The following SYN2 variants were observed in gnomAD, a reference collection of about 807,000 sequenced individuals.
SYN2 encodes the protein synapsin-2.
In SYN2, 19 loss-of-function variants were observed where a neutral mutation model predicts 50.9. The ratio of observed to expected loss-of-function variants is 0.37; its 90% CI spans 0.26 to 0.55. The LOEUF (loss-of-function observed/expected upper bound fraction) is 0.55. SYN2 is among the 20% of genes least tolerant of loss of function. SYN2 has a pLI of 0.81. For missense variants in SYN2, 587 were observed against 576.4 expected (o/e 1.02, Z -0.19); for synonymous variants, 255 against 224.9 (o/e 1.13, Z -1.20).
chr3:12,151,845 C>T (rs963936445), intron 5 of SYN2, among the ~76,000 whole-genome samples: 1 of 152,184 alleles, frequency 6.6e-6, no homozygotes, highest in Admixed American at 6.5e-5. Context: ...ATTCCCCTGG[C>T]GCTTCCACAA....
intron 7 of SYN2, among the ~76,000 whole-genome samples, chr3:12,166,029 G>C (rs1042147773): frequency 6.6e-6 from 1 of 152,162 alleles, no homozygotes; most frequent in Non-Finnish European, 1.5e-5. Flanking sequence ...TCACAACAGG[G>C]GGTTTGAAAT....
intron 1 of SYN2, among the ~76,000 whole-genome samples, chr3:12,044,069 A>G (rs528786380): frequency 6.6e-6 from 1 of 152,044 alleles, no homozygotes; most frequent in Non-Finnish European, 1.5e-5. Context: ...ATTCTTACCC[A>G]TAACATGTTA....
chr3:12,186,769 T>C (rs1055386445), intron 11 of SYN2, among the ~76,000 whole-genome samples: 2 of 152,212 alleles, frequency 1.3e-5, no homozygotes, highest in African/African-American at 4.8e-5. Flanking sequence ...GAGGTGATCA[T>C]AAGGTACGGA....
At chr3:12,009,207 A>G (rs1693865679) in intron 1 of SYN2, among the ~76,000 whole-genome samples, 1 of 152,220 alleles carries the variant, frequency 6.6e-6, no homozygotes, top group Non-Finnish European at 1.5e-5. Flanking sequence ...GAGCTGAAAG[A>G]TCATCTGAGT....
chr3:12,177,686 G>A (rs1698113123), intron 10 of SYN2, among the ~76,000 whole-genome samples: 1 of 152,178 alleles, frequency 6.6e-6, no homozygotes, highest in African/African-American at 2.4e-5. Flanking sequence ...ATTTGGGGCA[G>A]GTTCAGATAA....
At chr3:12,060,355 A>T in intron 1 of SYN2, among the ~76,000 whole-genome samples, 1 of 152,092 alleles carries the variant, frequency 6.6e-6, no homozygotes, top group East Asian at 1.9e-4. Flanking sequence ...CATAACAAAG[A>T]CCTACTCTCC....
At chr3:12,114,879 A>T (rs1407440442) in intron 1 of SYN2, among the ~76,000 whole-genome samples, 1 of 152,142 alleles carries the variant, frequency 6.6e-6, no homozygotes, top group African/African-American at 2.4e-5. Context: ...CCAGGCTCCA[A>T]GCTAACATGA....
chr3:12,158,652 A>C, intron 5 of SYN2: 2 of 1,602,842 alleles, frequency 1.2e-6, no homozygotes, highest in African/African-American at 1.3e-5. Flanking sequence ...GCCAGATACT[A>C]ATCCCCCACA....
intron 6 of SYN2, 148 bp from the exon 7 acceptor site, chr3:12,161,864 A>G: frequency 8.3e-7 from 1 of 1,205,834 alleles, no homozygotes; most frequent in Non-Finnish European, 1.1e-6. Flanking sequence ...AGCTAGGGAG[A>G]AGGGGCCTCC....
intron 10 of SYN2, among the ~76,000 whole-genome samples, chr3:12,172,780 T>C: frequency 6.6e-6 from 1 of 152,306 alleles, no homozygotes; most frequent in South Asian, 2.1e-4. Context: ...GACACTCCTA[T>C]CACTCCAGAA....
intron 5 of SYN2, chr3:12,158,521 G>T: frequency 1.2e-6 from 1 of 815,760 alleles, no homozygotes; most frequent in South Asian, 1.8e-5. Context: ...GAATCAGTCA[G>T]GTTCTGGGCT....
intron 1 of SYN2, among the ~76,000 whole-genome samples, chr3:12,052,306 CTT>C (rs201378913): frequency 1.4e-5 from 2 of 145,270 alleles, no homozygotes. Context: ...TTTTTTTCTT[CTT>C]TTTTTTTTTG....
At chr3:12,061,634 A>G (rs1474812340) in intron 1 of SYN2, among the ~76,000 whole-genome samples, 1 of 152,068 alleles carries the variant, frequency 6.6e-6, no homozygotes, top group Admixed American at 6.6e-5. Flanking sequence ...ATGATTGTCT[A>G]TGTAGAAAAT....
chr3:12,136,407 C>T (rs1696893402), intron 1 of SYN2, among the ~76,000 whole-genome samples: 1 of 152,194 alleles, frequency 6.6e-6, no homozygotes, highest in South Asian at 2.1e-4. Context: ...ATAAATGACA[C>T]AACTAAGACT....
chr3:12,037,054 A>T (rs977052121), intron 1 of SYN2, among the ~76,000 whole-genome samples: 1 of 152,260 alleles, frequency 6.6e-6, no homozygotes, highest in East Asian at 1.9e-4. Context: ...TAACGAGAAT[A>T]GACTTTACTC....
intron 1 of SYN2, among the ~76,000 whole-genome samples, chr3:12,105,624 A>G (rs1696169070): frequency 6.6e-6 from 1 of 151,746 alleles, no homozygotes; most frequent in Non-Finnish European, 1.5e-5. Context: ...GAAACAATGT[A>G]TAATATTCTC....
intron 1 of SYN2, among the ~76,000 whole-genome samples, chr3:12,055,314 C>G (rs900100330): frequency 1.3e-5 from 2 of 151,956 alleles, no homozygotes; most frequent in African/African-American, 4.8e-5. Flanking sequence ...AAGGTAATGA[C>G]AATGAAAACA....
At chr3:12,135,649 A>G (rs188053762) in intron 1 of SYN2, among the ~76,000 whole-genome samples, 23 of 152,324 alleles carry the variant, frequency 1.5e-4, no homozygotes, top group South Asian at 2.1e-4. Flanking sequence ...GATTGAAAAC[A>G]GATTTTCATG....
At chr3:12,061,556 A>G (rs1300075497) in intron 1 of SYN2, among the ~76,000 whole-genome samples, 1 of 152,100 alleles carries the variant, frequency 6.6e-6, no homozygotes, top group Admixed American at 6.5e-5. Flanking sequence ...GAAATAAGAC[A>G]AGAAAAGGAA....
Sources: gnomAD v4.1 joint callset for allele counts (sites outside exome capture counted in the v4.1 genomes callset) on GRCh38, gnomAD v4.1.1 for gene constraint, MANE v1.5 for transcripts, NCBI Gene and HGNC (gene_info 2026-07-23, HGNC 2026-07-21) for gene names.